SENP7: variants seen among roughly 807,000 people sequenced by gnomAD.
SENP7 encodes sentrin-specific protease 7.
Under a neutral mutation model 141.2 loss-of-function variants are expected in SENP7, and 64 were observed. The observed-to-expected ratio is 0.45, with a 90% CI of 0.37 to 0.56. The LOEUF (loss-of-function observed/expected upper bound fraction) is 0.56, where lower values mean the gene tolerates loss of function less well. SENP7 is among the 20% of genes least tolerant of loss of function. SENP7 has a pLI of 0.00. For missense variants in SENP7, 1,025 were observed against 1,212.2 expected (o/e 0.85, Z 2.29); for synonymous variants, 382 against 426.4 (o/e 0.90, Z 1.28).
At chr3:101,456,166 T>C (rs111881068) in intron 4 of SENP7, among the ~76,000 whole-genome samples, 26 of 56,208 alleles carry the variant, frequency 4.6e-4, no homozygotes, top group Admixed American at 5.8e-4. Context: ...ATAAAAGACA[T>C]ATATATGTGT....
chr3:101,345,833 A>G (rs141854309), intron 13 of SENP7, among the ~76,000 whole-genome samples: 1 of 152,358 alleles, frequency 6.6e-6, no homozygotes, highest in African/African-American at 2.4e-5. Flanking sequence ...TAACATTGGA[A>G]AAACCCTTCT....
At position 101,476,154 on chromosome 3, in the gene SENP7, G is replaced by C. The variant is rs193024283; in HGVS notation, c.187-17102C>G. ...CTGAGATACATGTGTAGAACATGCA[G>C]GTTTGTTACATAAGTATACATGTGC... On this transcript the variant is annotated intron_variant, in intron 3 of 23. Coordinates refer to ENST00000394095, the MANE Select transcript of SENP7 (RefSeq NM_020654.5). 1.1e-4 allele frequency among the ~76,000 whole-genome samples: 17 copies of C among 152,178 alleles called. No homozygotes were observed. The East Asian group carries it at 3.3e-3, about 29-fold the overall frequency.
At chr3:101,336,940 C>T (rs2059201543) in intron 17 of SENP7, among the ~76,000 whole-genome samples, 1 of 152,038 alleles carries the variant, frequency 6.6e-6, no homozygotes, top group Admixed American at 6.5e-5. Context: ...GGGATCCAAC[C>T]AGGAAAACAA....
At chr3:101,389,808 A>C (rs2060759556) in intron 6 of SENP7, among the ~76,000 whole-genome samples, 2 of 152,220 alleles carry the variant, frequency 1.3e-5, no homozygotes. Context: ...ATAAATGATA[A>C]AAGTGGAAGA....
At chr3:101,403,107 A>T (rs2061198048) in intron 5 of SENP7, among the ~76,000 whole-genome samples, 1 of 152,224 alleles carries the variant, frequency 6.6e-6, no homozygotes, top group Admixed American at 6.5e-5. Flanking sequence ...CTTAAACAAA[A>T]GTATACGCAT....
chr3:101,347,003 AGAG>A (rs2059478165), intron 13 of SENP7, among the ~76,000 whole-genome samples: 1 of 151,778 alleles, frequency 6.6e-6, no homozygotes, highest in Non-Finnish European at 1.5e-5. Context: ...GGAGGAAGAA[AGAG>A]GAGGAAGGAG....
chr3:101,492,041 G>A (rs976732337), intron 3 of SENP7, among the ~76,000 whole-genome samples: 8 of 152,006 alleles, frequency 5.3e-5, no homozygotes, highest in South Asian at 2.1e-4. Context: ...GCGGTGAGCC[G>A]AGATCGCGAC....
At chr3:101,331,764 A>G (rs2059060889) in intron 19 of SENP7, among the ~76,000 whole-genome samples, 1 of 152,148 alleles carries the variant, frequency 6.6e-6, no homozygotes, top group Non-Finnish European at 1.5e-5. Flanking sequence ...CATAAGATCA[A>G]TAAGTAGTAA....
chr3:101,352,885 T>C (rs2059647783), intron 11 of SENP7, among the ~76,000 whole-genome samples: 1 of 151,970 alleles, frequency 6.6e-6, no homozygotes, highest in Non-Finnish European at 1.5e-5. Context: ...CTATATTCCA[T>C]AGAGTAAGTG....
Position 101,366,558 on chromosome 3 carries a change from G to C in SENP7, c.1190C>G (p.Ser397Cys). Residue 397 changes from serine (S) to cysteine (C), a missense_variant, in exon 9 of 24, where the codon TCT becomes TGT. Around this residue, in one of 4 missense-constraint regions of SENP7, gnomAD observed 496 missense variants for 503.5 expected, o/e 0.99. Transcript: ENST00000394095. ...AATCCCCACAATATCAATGGAATTA[G>C]AGTTCTCAACGGTTTCAGTGGTTGA... ...AGSTTETVEN[S>C]NSIDIVGISS... 3.7e-6 allele frequency: 6 copies of C among 1,613,874 alleles called. No homozygotes were observed. The highest frequency in any genetic ancestry group is 5.1e-6 in the Non-Finnish European group (6 of 1,179,828).
chr3:101,399,117 T>C (rs1167924932), intron 5 of SENP7, 62 bp from the exon 6 acceptor site: 3 of 1,069,460 alleles, frequency 2.8e-6, no homozygotes, highest in Non-Finnish European at 3.8e-6. Flanking sequence ...AAAAATGTAT[T>C]CCAGGAAGGT....
At chr3:101,499,970 A>T (rs2065312794) in intron 2 of SENP7, among the ~76,000 whole-genome samples, 1 of 152,160 alleles carries the variant, frequency 6.6e-6, no homozygotes, top group African/African-American at 2.4e-5. Context: ...AACTAAATCC[A>T]GAGTTTTAAA....
At chr3:101,426,216 G>A (rs1438843083) in intron 4 of SENP7, among the ~76,000 whole-genome samples, 4 of 152,028 alleles carry the variant, frequency 2.6e-5, no homozygotes, top group South Asian at 2.1e-4. Context: ...CAGAGAACCC[G>A]AGTAAGATAT....
intron 16 of SENP7, 58 bp downstream of exon 16, chr3:101,340,037 T>C (rs1434782655): frequency 6.8e-7 from 1 of 1,473,914 alleles, no homozygotes; most frequent in African/African-American, 1.5e-5. Flanking sequence ...AAGACATTTA[T>C]TTTAAGTTTC....
chr3:101,492,092 CAAA>C (rs796578685), intron 3 of SENP7, among the ~76,000 whole-genome samples: 1 of 130,778 alleles, frequency 7.6e-6, no homozygotes. Context: ...AACGCCATCT[CAAA>C]AAAAAAAAAA....
chr3:101,361,048 T>C (rs1449239840), intron 11 of SENP7, among the ~76,000 whole-genome samples: 1 of 151,774 alleles, frequency 6.6e-6, no homozygotes, highest in Non-Finnish European at 1.5e-5. Context: ...TACCAAAAAA[T>C]ACAAAAATTA....
intron 18 of SENP7, among the ~76,000 whole-genome samples, chr3:101,332,370 T>C (rs900236014): frequency 2.4e-4 from 36 of 152,266 alleles, no homozygotes; most frequent in African/African-American, 8.2e-4. Flanking sequence ...CTATTAAGGA[T>C]CTGCCTTAAT....
In SENP7 at chr3:101,453,302, G is replaced by A. The variant is rs561662984; in HGVS notation, c.284+5653C>T. 1.8e-4 allele frequency among the ~76,000 whole-genome samples: 27 copies of A among 152,336 alleles called. No individual in the cohort carries two copies. The East Asian group carries it at 4.4e-3, about 25-fold the overall frequency. ...ACTAGTTCAACCATTGTGGAAGTCA[G>A]TGTGGCGATTCCTCAGGGATCTAGA... is the stretch of plus-strand genomic sequence containing the variant. On this transcript the variant is annotated intron_variant, in intron 4 of 23. Coordinates refer to ENST00000394095, the MANE Select transcript of SENP7 (RefSeq NM_020654.5).
At chr3:101,391,208 C>T (rs947443587) in intron 6 of SENP7, among the ~76,000 whole-genome samples, 7 of 151,034 alleles carry the variant, frequency 4.6e-5, no homozygotes, top group African/African-American at 1.5e-4. Context: ...ACAAACTAAA[C>T]CCAAAATTAG....
Sources: gnomAD v4.1 joint callset for allele counts (sites outside exome capture counted in the v4.1 genomes callset) on GRCh38, gnomAD v4.1.1 for gene constraint, gnomAD v4.1.1 regional missense constraint, MANE v1.5 for transcripts, NCBI Gene and HGNC (gene_info 2026-07-23, HGNC 2026-07-21) for gene names.